The following RBFOX1 variants were observed in gnomAD, a reference collection of about 807,000 sequenced individuals.
RBFOX1 encodes the protein RNA binding fox-1 homolog 1, also known as RNA binding protein fox-1 homolog 1.
In RBFOX1, 8 loss-of-function variants were observed where a neutral mutation model predicts 57.7. The ratio of observed to expected loss-of-function variants is 0.14; its 90% CI spans 0.08 to 0.25. The LOEUF (loss-of-function observed/expected upper bound fraction) is 0.25. Among genes scored for constraint, RBFOX1 ranks in the 10% least tolerant of loss-of-function variants. The probability of loss-of-function intolerance (pLI) is 1.00; values close to 1 mark genes in which losing one functional copy is unlikely to be tolerated. For missense variants in RBFOX1, 611 were observed against 548.5 expected (o/e 1.11, Z -1.14); for synonymous variants, 326 against 222.4 (o/e 1.47, Z -4.15).
intron 14 of RBFOX1, among the ~76,000 whole-genome samples, chr16:7,695,903 C>G (rs923277295): frequency 1.3e-5 from 2 of 152,186 alleles, no homozygotes; most frequent in Non-Finnish European, 1.5e-5. Context: ...TAAAGAGGTG[C>G]TATTGTCACA....
intron 3 of RBFOX1, among the ~76,000 whole-genome samples, chr16:6,737,780 G>A (rs2070812493): frequency 6.6e-6 from 1 of 152,064 alleles, no homozygotes; most frequent in Non-Finnish European, 1.5e-5. Flanking sequence ...TAAGAGGAAA[G>A]GTATCTTATA....
chr16:6,311,535 T>C (rs931749190), intron 1 of RBFOX1, among the ~76,000 whole-genome samples: 3 of 152,132 alleles, frequency 2.0e-5, no homozygotes, highest in African/African-American at 7.2e-5. Context: ...TGCCTACGCC[T>C]GATGGCAGGG....
chr16:6,768,226 A>C (rs1303779528), intron 3 of RBFOX1, among the ~76,000 whole-genome samples: 1 of 152,004 alleles, frequency 6.6e-6, no homozygotes, highest in Non-Finnish European at 1.5e-5. Flanking sequence ...AAAACAAAAG[A>C]AACAAGGACC....
chr16:5,443,818 C>T (rs1247151998), intron 1 of RBFOX1, among the ~76,000 whole-genome samples: 1 of 152,182 alleles, frequency 6.6e-6, no homozygotes, highest in African/African-American at 2.4e-5. Context: ...ACTATCGCTA[C>T]TTAGAAGAAT....
intron 4 of RBFOX1, among the ~76,000 whole-genome samples, chr16:7,303,915 C>A (rs1387127182): frequency 6.6e-6 from 1 of 151,858 alleles, no homozygotes; most frequent in Non-Finnish European, 1.5e-5. Flanking sequence ...CAGCGCATCC[C>A]CTGCCCCTTC....
chr16:5,679,959 G>A (rs1163006852), intron 3 of RBFOX1, among the ~76,000 whole-genome samples: 1 of 152,100 alleles, frequency 6.6e-6, no homozygotes, highest in Non-Finnish European at 1.5e-5. Context: ...TTTCACCTAG[G>A]AAACATATAT....
intron 2 of RBFOX1, among the ~76,000 whole-genome samples, chr16:6,647,406 G>C (rs1290688248): frequency 2.0e-5 from 3 of 151,976 alleles, no homozygotes; most frequent in African/African-American, 7.3e-5. Context: ...CACCATGCCT[G>C]GCTAATTTTT....
At chr16:6,409,483 A>C (rs1327803051) in intron 2 of RBFOX1, among the ~76,000 whole-genome samples, 1 of 152,220 alleles carries the variant, frequency 6.6e-6, no homozygotes, top group Non-Finnish European at 1.5e-5. Context: ...GTTGTTTTCC[A>C]TTTGAAAGTT....
chr16:6,439,412 C>T (rs2094319014), intron 2 of RBFOX1, among the ~76,000 whole-genome samples: 1 of 152,162 alleles, frequency 6.6e-6, no homozygotes, highest in African/African-American at 2.4e-5. Flanking sequence ...GTGGCTCTTA[C>T]CCCGGGCTGT....
At chr16:7,503,358 C>T (rs1349720885) in intron 4 of RBFOX1, among the ~76,000 whole-genome samples, 2 of 152,236 alleles carry the variant, frequency 1.3e-5, no homozygotes, top group Non-Finnish European at 2.9e-5. Flanking sequence ...GTGTCACATT[C>T]GATCGATCAA....
At chr16:6,613,959 A>T (rs1052785270) in intron 2 of RBFOX1, among the ~76,000 whole-genome samples, 1 of 152,168 alleles carries the variant, frequency 6.6e-6, no homozygotes, top group Non-Finnish European at 1.5e-5. Flanking sequence ...AAGAAAAAAG[A>T]AGATAGATTC....
upstream of RBFOX1, among the ~76,000 whole-genome samples, chr16:6,016,846 G>A (rs2094996765): frequency 6.6e-6 from 1 of 152,184 alleles, no homozygotes; most frequent in South Asian, 2.1e-4. Flanking sequence ...AAAGGTCATT[G>A]TGAGAAAGAA....
chr16:5,572,280 T>A (rs1347085323), intron 2 of RBFOX1, among the ~76,000 whole-genome samples: 1 of 152,226 alleles, frequency 6.6e-6, no homozygotes, highest in East Asian at 1.9e-4. Flanking sequence ...TTCATTCTTA[T>A]CTTTGAACAG....
intron 4 of RBFOX1, among the ~76,000 whole-genome samples, chr16:5,986,535 C>G (rs1041113971): frequency 4.6e-5 from 7 of 152,172 alleles, no homozygotes; most frequent in African/African-American, 1.7e-4. Context: ...CCACATTCAC[C>G]TCCCTCTCAC....
chr16:7,568,602 C>G (rs1004302199), intron 5 of RBFOX1, among the ~76,000 whole-genome samples: 2 of 152,018 alleles, frequency 1.3e-5, no homozygotes, highest in African/African-American at 4.8e-5. Flanking sequence ...ATTGCCTTAA[C>G]TGGCTGGGCG....
chr16:5,633,470 T>C (rs1384129542), intron 3 of RBFOX1, among the ~76,000 whole-genome samples: 3 of 152,300 alleles, frequency 2.0e-5, no homozygotes, highest in African/African-American at 7.2e-5. Context: ...CTCTACCCAA[T>C]ATGTAGTCTT....
At chr16:6,344,480 C>T (rs928398922) in intron 2 of RBFOX1, among the ~76,000 whole-genome samples, 1 of 146,432 alleles carries the variant, frequency 6.8e-6, no homozygotes, top group Non-Finnish European at 1.5e-5. Flanking sequence ...GCACTGCATG[C>T]TCTGCCTCCC....
intron 2 of RBFOX1, among the ~76,000 whole-genome samples, chr16:6,622,440 C>T (rs960382708): frequency 1.6e-4 from 24 of 152,254 alleles, no homozygotes; most frequent in African/African-American, 5.1e-4. Context: ...GCTGTACAGG[C>T]TTGTAGTCTA....
chr16:5,459,382 G>T (rs531839885), intron 1 of RBFOX1, among the ~76,000 whole-genome samples: 1 of 152,240 alleles, frequency 6.6e-6, no homozygotes, highest in Non-Finnish European at 1.5e-5. Flanking sequence ...ACCCCAGGTG[G>T]ATTTTGACAC....
Sources: gnomAD v4.1 joint callset for allele counts (sites outside exome capture counted in the v4.1 genomes callset) on GRCh38, gnomAD v4.1.1 for gene constraint, MANE v1.5 for transcripts, NCBI Gene and HGNC (gene_info 2026-07-23, HGNC 2026-07-21) for gene names.